SPATA6L: variants seen among roughly 807,000 people sequenced by gnomAD.
SPATA6L encodes spermatogenesis associated 6-like protein.
A neutral mutation model predicts 49.2 loss-of-function variants in SPATA6L; 68 were observed. That is an observed-to-expected ratio of 1.38 (90% confidence interval 1.14 to 1.69). The LOEUF is 1.69. Ranked by LOEUF, SPATA6L falls within the 40% of genes most tolerant of loss-of-function variation. SPATA6L has a pLI of 0.00. For synonymous variants in SPATA6L, 198 were observed against 165.7 expected, an observed-to-expected ratio of 1.19 and a Z score of -1.50; for missense variants, 668 against 464.3, an observed-to-expected ratio of 1.44 and a Z score of -4.03.
At chr9:4,589,575 G>C (rs1821772855) in intron 13 of SPATA6L, among the ~76,000 whole-genome samples, 1 of 152,180 alleles carries the variant, frequency 6.6e-6, no homozygotes, top group Non-Finnish European at 1.5e-5. Context: ...GTGTCATGTA[G>C]GAGGTAAACA....
intron 1 of SPATA6L, chr9:4,663,108 G>C (rs752356978): frequency 1.2e-6 from 2 of 1,614,078 alleles, no homozygotes; most frequent in Non-Finnish European, 1.7e-6. Context: ...GTGGGCCTTC[G>C]TCTTGGGCCT....
At position 4,618,010 on chromosome 9, in the gene SPATA6L, T is replaced by A; in HGVS notation, c.908A>T (p.Asp303Val). The part of the protein sequence containing the change: ...FGKSSSSKQG[D>V]ADFHGKASFA... ...TGAAGCTTTCCCGTGGAAATCAGCA[T>A]CCCCTTGTTTACTGGATGAAGACTT... Residue 303 changes from aspartate (D) to valine (V), a missense_variant, in exon 9 of 12, where the codon GAT becomes GTT. Transcript: ENST00000682582. 1 of 1,614,104 alleles carries A rather than the reference T, an allele frequency of 6.2e-7. No individual in the cohort carries two copies. The highest frequency in any genetic ancestry group is 8.5e-7 in the Non-Finnish European group (1 of 1,180,000).
intron 9 of SPATA6L, 79 bp from the exon 10 acceptor site, chr9:4,605,519 A>C: frequency 1.1e-6 from 1 of 930,034 alleles, no homozygotes. Flanking sequence ...GTATGGATTG[A>C]TATTTAAAAC....
At position 4,613,015 on chromosome 9, in the gene SPATA6L, G is replaced by A. The variant is rs148571994; in HGVS notation, c.995+4908C>T. Among the ~76,000 whole-genome samples the A allele has an allele frequency of 3.1e-4, 47 of 152,138 alleles. No homozygotes were observed. In the East Asian group the frequency reaches 7.5e-3, roughly 24 times the overall value. On this transcript the variant is annotated intron_variant, in intron 9 of 11. Transcript: ENST00000682582. Reference sequence around the variant, plus strand: ...GGCTGAGGCGGGCGGATCTCTTGAGGCCAAGAGTTCCAGACCAGCCTGGCT... The same window carrying A: ...GGCTGAGGCGGGCGGATCTCTTGAGACCAAGAGTTCCAGACCAGCCTGGCT...
intron 3 of SPATA6L, among the ~76,000 whole-genome samples, chr9:4,648,301 C>T (rs1408024053): frequency 6.6e-6 from 1 of 152,188 alleles, no homozygotes; most frequent in East Asian, 1.9e-4. Context: ...ATTTGCCAAC[C>T]ATCACCCCAA....
At chr9:4,622,990 G>T (rs1222519090) in intron 6 of SPATA6L, among the ~76,000 whole-genome samples, 1 of 151,870 alleles carries the variant, frequency 6.6e-6, no homozygotes, top group African/African-American at 2.4e-5. Context: ...AAAGAATAAG[G>T]GTAGCTAGGC....
rs1196869623 is a variant in SPATA6L at position 4,610,202 on chromosome 9, G to A, written c.996-4762C>T. ...CTCATGGGTAGGAAGACTCAATATCGTGAAAATGGCCATACTGCCCAAGGT... is the reference window on the plus strand; with the variant it reads ...CTCATGGGTAGGAAGACTCAATATCATGAAAATGGCCATACTGCCCAAGGT... On this transcript the variant is annotated intron_variant, in intron 9 of 11. Coordinates refer to ENST00000682582, the MANE Select transcript of SPATA6L (RefSeq NM_001353486.2). Among the ~76,000 whole-genome samples the A allele has an allele frequency of 1.1e-4, 16 of 151,442 alleles. 1 individual carries two copies. The South Asian group carries it at 1.7e-3, about 16-fold the overall frequency.
intron 8 of SPATA6L, among the ~76,000 whole-genome samples, 159 bp downstream of exon 8, chr9:4,618,705 A>G (rs1394690025): frequency 6.6e-6 from 1 of 152,240 alleles, no homozygotes; most frequent in Non-Finnish European, 1.5e-5. Context: ...AGCAAAGTAT[A>G]ACATGGAGTC....
At chr9:4,661,025 C>A (rs1463770717) in intron 2 of SPATA6L, among the ~76,000 whole-genome samples, 2 of 152,124 alleles carry the variant, frequency 1.3e-5, no homozygotes, top group African/African-American at 4.8e-5. Flanking sequence ...ACACAGGGGC[C>A]TGTCGTGGGG....
intron 13 of SPATA6L, among the ~76,000 whole-genome samples, chr9:4,589,208 G>C (rs940887482): frequency 6.6e-6 from 1 of 152,242 alleles, no homozygotes; most frequent in Admixed American, 6.5e-5. Flanking sequence ...CAGTCAATGA[G>C]AAAATGCATG....
At position 4,662,689 on chromosome 9, in the gene SPATA6L, C is replaced by T. The variant is rs764688492; in HGVS notation, c.40-653G>A. ...TCCTTCCTGGGCATCGCCCTGCGCT[C>T]CCTGCTGGCCATCGACCTGTGGCTG... On this transcript the variant is annotated intron_variant, in intron 1 of 11. Transcript: ENST00000682582. The surrounding 1 kb of genome is among the most constrained non-coding windows in gnomAD (Gnocchi z 4.9). 1 of 1,600,958 alleles carries T rather than the reference C, an allele frequency of 6.2e-7. No homozygotes were observed. The highest frequency in any genetic ancestry group is 1.7e-5 in the Admixed American group (1 of 60,028).
At chr9:4,624,181 G>A (rs1431819492) in intron 6 of SPATA6L, among the ~76,000 whole-genome samples, 3 of 152,062 alleles carry the variant, frequency 2.0e-5, no homozygotes, top group African/African-American at 7.2e-5. Context: ...ATTAGAACAC[G>A]AACTGGTGTT....
At chr9:4,619,143 G>C (rs1828686754) in intron 7 of SPATA6L, among the ~76,000 whole-genome samples, 1 of 148,348 alleles carries the variant, frequency 6.7e-6, no homozygotes, top group Non-Finnish European at 1.5e-5. Flanking sequence ...GAGGTCAACA[G>C]TCAGGTTTTC....
chr9:4,654,405 C>T (rs1837622743), intron 3 of SPATA6L, among the ~76,000 whole-genome samples: 1 of 152,158 alleles, frequency 6.6e-6, no homozygotes, highest in Non-Finnish European at 1.5e-5. Context: ...GGTTCCGACC[C>T]CATAGCACTA....
chr9:4,647,526 A>G (rs1835688033), intron 3 of SPATA6L, among the ~76,000 whole-genome samples: 1 of 152,198 alleles, frequency 6.6e-6, no homozygotes, highest in Admixed American at 6.5e-5. Context: ...TGGGAGGTGA[A>G]GGCTGCAGTG....
rs529337228 is a variant in SPATA6L at position 4,664,160 on chromosome 9, C to A, written c.39+2052G>T. The A allele has an allele frequency of 3.0e-5, 5 of 167,176 alleles. No individual in the cohort carries two copies. In the South Asian group the frequency reaches 1.0e-3, roughly 35 times the overall value. The allele number at this position is 167,176 out of a possible 1,614,324, so 10.4% of individuals were successfully genotyped here. ...AAGTTGCTGGGGAAAGTTAGAGGAA[C>A]TGAAAGTTTGGGAATAGGCTGACCA... On this transcript the variant is annotated intron_variant, in intron 1 of 11. Coordinates refer to ENST00000682582, the MANE Select transcript of SPATA6L (RefSeq NM_001353486.2).
rs545196734 is a variant in SPATA6L at position 4,635,364 on chromosome 9, G to C, written c.262C>G (p.Arg88Gly). The C allele has an allele frequency of 1.3e-6, 2 of 1,590,100 alleles. No homozygotes were observed. Among genetic ancestry groups the C allele is most frequent in the South Asian group, 1.1e-5 (1 of 87,582 alleles). The change falls in exon 4 of 12, where the codon CGA becomes GGA. Residue 88 changes from arginine to glycine, a missense_variant. Arg to Gly is a moderately radical substitution (Grantham distance 125). Coordinates refer to ENST00000682582, the MANE Select transcript of SPATA6L (RefSeq NM_001353486.2). ...TTGGGCTCTGGGAAAAGAAAATCTC[G>C]TGTGTTTTCTTCGTAGTAGGCCAAC... The part of the protein sequence containing the change: ...DELAYYEENT[R>G]DFLFPEPKLT...
At chr9:4,655,168 A>G (rs934317607) in intron 3 of SPATA6L, among the ~76,000 whole-genome samples, 11 of 152,238 alleles carry the variant, frequency 7.2e-5, no homozygotes, top group African/African-American at 2.2e-4. Flanking sequence ...GATGACTAGA[A>G]AAACAAAATG....
At chr9:4,605,157 G>T (rs1824428307) in intron 10 of SPATA6L, among the ~76,000 whole-genome samples, 190 bp downstream of exon 10, 1 of 152,082 alleles carries the variant, frequency 6.6e-6, no homozygotes, top group Non-Finnish European at 1.5e-5. Context: ...AGCCAGCCCT[G>T]ACTCCCAGCC....
Sources: allele counts gnomAD v4.1 joint callset (sites outside exome capture counted in the v4.1 genomes callset), GRCh38; gene constraint gnomAD v4.1.1; non-coding constraint Gnocchi (gnomAD v3.1); transcripts MANE v1.5; gene names NCBI Gene and HGNC (gene_info 2026-07-23, HGNC 2026-07-21).